The following BOP1 variants were observed in gnomAD, a reference collection of about 807,000 sequenced individuals.
BOP1 encodes BOP1 ribosomal biogenesis factor, also known as ribosome biogenesis protein BOP1.
BOP1 carries 54 observed loss-of-function variants against 82.9 expected under a neutral mutation model. The observed-to-expected ratio is 0.65, with a 90% CI of 0.52 to 0.82. The LOEUF (loss-of-function observed/expected upper bound fraction) is 0.82. Among genes scored for constraint, BOP1 ranks in the 40% least tolerant of loss-of-function variants. The pLI, the probability that BOP1 is intolerant of heterozygous loss-of-function variation, is 0.00. For synonymous variants in BOP1, 566 were observed against 451.1 expected (o/e 1.25, Z -3.23); for missense variants, 1,170 against 1,072.0 (o/e 1.09, Z -1.28).
chr8:144,262,693 G>A, intron 13 of BOP1, 21 bp from the exon 14 acceptor site: 6 of 1,612,228 alleles, frequency 3.7e-6, no homozygotes, highest in South Asian at 1.1e-5. Context: ...AGGCTGTGAT[G>A]CAGGTGTTCC....
chr8:144,265,149 G>C, intron 3 of BOP1, 78 bp from the exon 4 acceptor site: 5 of 1,540,318 alleles, frequency 3.2e-6, no homozygotes, highest in Non-Finnish European at 4.4e-6. Context: ...GGGAGCAGGT[G>C]AGGGGGTTGC....
chr8:144,267,297 C>G, intron 3 of BOP1: 1 of 1,252,506 alleles, frequency 8.0e-7, no homozygotes, highest in Non-Finnish European at 1.0e-6. Flanking sequence ...CACAGGCAGG[C>G]ACACCTGTAA....
chr8:144,273,744 G>A (rs985895674), intron 3 of BOP1, among the ~76,000 whole-genome samples: 45 of 151,872 alleles, frequency 3.0e-4, no homozygotes, highest in Non-Finnish European at 5.3e-4. Context: ...TGGGAGAGGG[G>A]TGAGGTGGCC....
rs1192230617 is a variant in BOP1, at chr8:144,265,027, A to T, written c.435T>A (p.Asp145Glu). The change falls in exon 4 of 16, where the codon GAT (aspartate) becomes GAA (glutamate). Residue 145 changes from aspartate to glutamate, a missense_variant. By Grantham distance (45) the Asp-to-Glu change is conservative (BLOSUM62 2). Transcript: ENST00000569669. Reference sequence around the variant, plus strand: ...GGTCGTAGCCCACGTGGGGGAAGTCATCGTACCACTCCAAGGGCACGTTGC... The same window carrying T: ...GGTCGTAGCCCACGTGGGGGAAGTCTTCGTACCACTCCAAGGGCACGTTGC... ...TVGNVPLEWY[D>E]DFPHVGYDLD... is the part of the protein sequence containing the mutation. The T allele has an allele frequency of 8.1e-6, 13 of 1,612,064 alleles. No individual in the cohort carries two copies. The African/African-American group carries it at 1.3e-4, about 17-fold the overall frequency.
At chr8:144,278,243 G>GCTCGGCA (rs1845604267) in intron 2 of BOP1, among the ~76,000 whole-genome samples, 3 of 151,582 alleles carry the variant, frequency 2.0e-5, no homozygotes, top group Non-Finnish European at 4.4e-5. Flanking sequence ...GCAAGGACGA[G>GCTCGGCA]GTGCCAGCAG....
chr8:144,281,798 T>C (rs1408045986), intron 2 of BOP1: 1 of 152,036 alleles, frequency 6.6e-6, no homozygotes, highest in Non-Finnish European at 1.5e-5. Context: ...TTGGCCGGGC[T>C]GGTCTCGAAC....
intron 3 of BOP1, among the ~76,000 whole-genome samples, chr8:144,271,128 TG>T (rs2130226537): frequency 6.6e-6 from 1 of 151,908 alleles, no homozygotes; most frequent in East Asian, 2.0e-4. Flanking sequence ...AGGGCTCTCC[TG>T]GGGGCCGCCC....
Position 144,291,421 on chromosome 8 carries a change from G to T in BOP1, c.-51C>A, listed in dbSNP as rs1173983438. On this transcript the variant is annotated 5_prime_UTR_variant, in exon 1 of 16. Transcript: ENST00000569669. This position sits in a 1 kb window ranked among gnomAD's most constrained non-coding sequence, Gnocchi z 4.1. Reference sequence around the variant, plus strand: ...CGCACAGCCGCTTCCGACAGCGACCGGGCCGCGTGCGCAGGAGGACGCGCC... The same window carrying T: ...CGCACAGCCGCTTCCGACAGCGACCTGGCCGCGTGCGCAGGAGGACGCGCC... The T allele has an allele frequency of 1.2e-5, 13 of 1,078,838 alleles. No homozygotes were observed. The highest frequency in any genetic ancestry group is 1.5e-5 in the Non-Finnish European group (13 of 883,894). The allele number at this position is 1,078,838 out of a possible 1,614,324, so 66.8% of individuals were successfully genotyped here.
In BOP1 at chr8:144,263,054, G is replaced by C; in HGVS notation, c.1693C>G (p.Gln565Glu). The C allele has an allele frequency of 1.9e-6, 3 of 1,583,748 alleles. No homozygotes were observed. Among genetic ancestry groups the C allele is most frequent in the Non-Finnish European group, 2.6e-6 (3 of 1,174,068 alleles). The change falls in exon 13 of 16, where the codon CAG (glutamine) becomes GAG (glutamate). Residue 565 changes from glutamine (Q) to glutamate (E), a missense_variant. By Grantham distance (29) the Gln-to-Glu change is conservative (BLOSUM62 2). Transcript: ENST00000569669. Reference protein sequence around the residue: ...TQGHTQVLIHQLSRRRSQSPF... With the variant: ...TQGHTQVLIHELSRRRSQSPF... ...CTCTGGCTGCGGCGACGGCTCAGCTGGTGAATCAGCACCTGGGTGTGGCCT... is the reference window on the plus strand; with the variant it reads ...CTCTGGCTGCGGCGACGGCTCAGCTCGTGAATCAGCACCTGGGTGTGGCCT...
chr8:144,290,766 G>A (rs1815036848), intron 1 of BOP1, among the ~76,000 whole-genome samples: 1 of 152,142 alleles, frequency 6.6e-6, no homozygotes. Flanking sequence ...GGCTGTGAGG[G>A]GCTGGCTGTC....
At chr8:144,266,700 C>T in intron 3 of BOP1, 1 of 1,234,006 alleles carries the variant, frequency 8.1e-7, no homozygotes, top group Non-Finnish European at 1.0e-6. Flanking sequence ...AGGACCGCGG[C>T]AGCGACAGCT....
At chr8:144,276,957 G>A (rs984517863) in intron 2 of BOP1, among the ~76,000 whole-genome samples, 8 of 152,176 alleles carry the variant, frequency 5.3e-5, no homozygotes, top group Admixed American at 2.0e-4. Context: ...CCATCCCGCC[G>A]GGTCACAGAG....
chr8:144,265,774 C>T (rs1407568870), intron 3 of BOP1: 1 of 154,004 alleles, frequency 6.5e-6, no homozygotes, highest in Non-Finnish European at 1.4e-5. Flanking sequence ...AGGGTCCTTC[C>T]CTCTCCTCCC....
chr8:144,262,776 C>A, intron 13 of BOP1, 77 bp downstream of exon 13: 1 of 1,340,288 alleles, frequency 7.5e-7, no homozygotes, highest in Non-Finnish European at 1.0e-6. Flanking sequence ...CTGCCCCTAC[C>A]CCCACCCCTC....
intron 3 of BOP1, chr8:144,267,039 C>T: frequency 6.6e-7 from 1 of 1,519,044 alleles, no homozygotes; most frequent in Non-Finnish European, 8.8e-7. Context: ...ACGGACAGCC[C>T]TGCCACTCCG....
intron 2 of BOP1, among the ~76,000 whole-genome samples, chr8:144,282,246 G>A (rs551029010): frequency 2.6e-5 from 4 of 152,370 alleles, no homozygotes; most frequent in Admixed American, 1.3e-4. Context: ...GTGCTGCAGG[G>A]CAGGGAGCAC....
chr8:144,276,174 G>A (rs1365096984), intron 3 of BOP1, 50 bp downstream of exon 3: 1 of 1,602,630 alleles, frequency 6.2e-7, no homozygotes, highest in Admixed American at 1.7e-5. Context: ...CTGCTAGGCT[G>A]TGATGGAAGC....
At chr8:144,280,773 A>G (rs1386699652) in intron 2 of BOP1, among the ~76,000 whole-genome samples, 1 of 152,102 alleles carries the variant, frequency 6.6e-6, no homozygotes, top group Non-Finnish European at 1.5e-5. Context: ...AACTGCTTGA[A>G]TCTGGGGGGT....
At chr8:144,277,890 T>A (rs1331514820) in intron 2 of BOP1, among the ~76,000 whole-genome samples, 1 of 88,608 alleles carries the variant, frequency 1.1e-5, no homozygotes, top group Admixed American at 1.5e-4. Context: ...GCAGATGCTG[T>A]GGGGCATTGA....
Sources: gnomAD v4.1 joint callset for allele counts (sites outside exome capture counted in the v4.1 genomes callset) on GRCh38, gnomAD v4.1.1 for gene constraint, Gnocchi (gnomAD v3.1) non-coding constraint, MANE v1.5 for transcripts, NCBI Gene and HGNC (gene_info 2026-07-23, HGNC 2026-07-21) for gene names.